Variants in PCDH11X observed in about 807,000 individuals in gnomAD.
The protein encoded by PCDH11X is protocadherin-11 X-linked.
Under a neutral mutation model 53.3 loss-of-function variants are expected in PCDH11X, and 18 were observed. The observed-to-expected ratio is 0.34, with a 90% CI of 0.23 to 0.50. The LOEUF (loss-of-function observed/expected upper bound fraction) is 0.50, where lower values mean the gene tolerates loss of function less well. PCDH11X is among the 20% of genes least tolerant of loss of function. The pLI is 0.98. For synonymous variants in PCDH11X, 279 were observed against 393.3 expected (o/e 0.71, Z 3.44); for missense variants, 570 against 1,032.4 (o/e 0.55, Z 6.14).
chrX:91,835,327 T>G lies in PCDH11X; in HGVS notation c.-44-134T>G, dbSNP rs1008798880. ...GATTCAGAACAAATTTATCACTAAT[T>G]AACAGAGTGTCAATTATGCTAACAT... On this transcript the variant is annotated intron_variant, in intron 4 of 10. Coordinates refer to ENST00000682573, the MANE Select transcript of PCDH11X (RefSeq NM_032968.5). 26 of 1,185,587 alleles carry G rather than the reference T, an allele frequency of 2.2e-5. No individual in the cohort carries two copies. The Middle Eastern group carries it at 9.3e-4, about 43-fold the overall frequency.
At chrX:92,324,492 G>A (rs2069284650) in intron 8 of PCDH11X, among the ~76,000 whole-genome samples, 1 of 111,402 alleles carries the variant, frequency 9.0e-6, no homozygotes, top group African/African-American at 3.3e-5. Context: ...AGATAACTTG[G>A]TGACATCCTT....
intron 6 of PCDH11X, among the ~76,000 whole-genome samples, chrX:91,945,005 C>G (rs1231813232): frequency 1.1e-5 from 1 of 87,963 alleles, no homozygotes; most frequent in Non-Finnish European, 2.2e-5. Flanking sequence ...AGAATTGCAG[C>G]TGTCTCCCTT....
intron 9 of PCDH11X, among the ~76,000 whole-genome samples, chrX:92,461,526 C>G (rs1348526472): frequency 5.4e-5 from 6 of 112,044 alleles, no homozygotes; most frequent in Non-Finnish European, 1.1e-4. Context: ...TTAAACTTGA[C>G]CCGTATCTCT....
chrX:92,277,643 G>A, intron 8 of PCDH11X, among the ~76,000 whole-genome samples: 1 of 108,971 alleles, frequency 9.2e-6, no homozygotes, highest in Non-Finnish European at 1.9e-5. Flanking sequence ...ATGGAAATAA[G>A]GGATGGGGCA....
At chrX:92,101,080 A>G (rs2064239136) in intron 6 of PCDH11X, among the ~76,000 whole-genome samples, 1 of 111,928 alleles carries the variant, frequency 8.9e-6, no homozygotes, top group Non-Finnish European at 1.9e-5. Context: ...AGCAAAGATT[A>G]TTTATTTACT....
chrX:91,832,117 A>G (rs1937128233), intron 4 of PCDH11X, among the ~76,000 whole-genome samples: 1 of 105,337 alleles, frequency 9.5e-6, no homozygotes, highest in African/African-American at 3.5e-5. Flanking sequence ...TAGAAATACC[A>G]TTTGACCCAG....
Position 92,330,169 on chromosome X carries a change from CAAAG to C in PCDH11X, c.3145-57560_3145-57557del, listed in dbSNP as rs747071403. On this transcript the variant is annotated intron_variant, in intron 8 of 10. Transcript: ENST00000682573. ...AAACTTAGAATGAAAAGACAAACCA[CAAAG>C]AAAGAGAAATATTTGAAAATCTCAT... Among the ~76,000 whole-genome samples the C allele has an allele frequency of 6.8e-3, 748 of 109,576 alleles. 7 individuals are homozygous for C. Among genetic ancestry groups the C allele is most frequent in the African/African-American group, 0.024 (715 of 30,288 alleles).
At chrX:92,381,120 A>G (rs2070866327) in intron 8 of PCDH11X, among the ~76,000 whole-genome samples, 1 of 100,281 alleles carries the variant, frequency 1.0e-5, no homozygotes, top group Non-Finnish European at 2.0e-5. Context: ...CCACAACTAT[A>G]TTTACCACAA....
chrX:92,602,486 T>A (rs1347476114), intron 10 of PCDH11X, among the ~76,000 whole-genome samples: 1 of 111,603 alleles, frequency 9.0e-6, no homozygotes, highest in Non-Finnish European at 1.9e-5. Context: ...AATTTATGCC[T>A]TAGGACATTG....
chrX:92,128,484 G>A (rs1197120017), intron 6 of PCDH11X, among the ~76,000 whole-genome samples: 2 of 105,831 alleles, frequency 1.9e-5, no homozygotes, highest in Non-Finnish European at 3.9e-5. Context: ...TGCAACCTCT[G>A]CCTCCCGGGT....
intron 10 of PCDH11X, among the ~76,000 whole-genome samples, chrX:92,533,370 A>T (rs2074595952): frequency 9.2e-6 from 1 of 108,835 alleles, no homozygotes; most frequent in South Asian, 4.2e-4. Context: ...CTATCAAGAA[A>T]GCTGAGGATG....
intron 9 of PCDH11X, among the ~76,000 whole-genome samples, chrX:92,435,362 A>T (rs1458097501): frequency 1.8e-5 from 2 of 110,954 alleles, no homozygotes; most frequent in Non-Finnish European, 3.8e-5. Context: ...TTGAAAACAT[A>T]TTTCAGGCTA....
intron 6 of PCDH11X, among the ~76,000 whole-genome samples, chrX:92,169,011 T>C (rs1185278456): frequency 9.0e-6 from 1 of 111,718 alleles, no homozygotes; most frequent in East Asian, 2.8e-4. Context: ...GTTTTACTAA[T>C]GAAAATCCAG....
chrX:92,329,893 T>C (rs1367393871), intron 8 of PCDH11X, among the ~76,000 whole-genome samples: 1 of 111,156 alleles, frequency 9.0e-6, no homozygotes, highest in African/African-American at 3.3e-5. Context: ...ATAAATAAAA[T>C]GAATATCATC....
chrX:92,244,205 T>A (rs1183284799), intron 7 of PCDH11X, among the ~76,000 whole-genome samples: 1 of 109,834 alleles, frequency 9.1e-6, no homozygotes, highest in Non-Finnish European at 1.9e-5. Context: ...GATTTATACA[T>A]GTTTAAAGCC....
At chrX:91,800,059 A>C (rs981200277) in intron 1 of PCDH11X, among the ~76,000 whole-genome samples, 17 of 112,641 alleles carry the variant, frequency 1.5e-4, no homozygotes, top group African/African-American at 5.5e-4. Context: ...ACTGCATTCC[A>C]GCCTGGGCGC....
At chrX:92,453,086 C>T in intron 9 of PCDH11X, among the ~76,000 whole-genome samples, 1 of 105,474 alleles carries the variant, frequency 9.5e-6, no homozygotes, top group East Asian at 2.9e-4. Flanking sequence ...CTCCACTTCT[C>T]TTAAATCTGT....
At chrX:92,365,444 G>C (rs1443345880) in intron 8 of PCDH11X, among the ~76,000 whole-genome samples, 4 of 110,231 alleles carry the variant, frequency 3.6e-5, no homozygotes, top group African/African-American at 1.3e-4. Context: ...GTCACACCAT[G>C]TTGCCTTGGC....
intron 8 of PCDH11X, among the ~76,000 whole-genome samples, chrX:92,354,165 T>G (rs1194739132): frequency 9.6e-6 from 1 of 104,218 alleles, no homozygotes; most frequent in Non-Finnish European, 1.9e-5. Flanking sequence ...AAAGAAGACA[T>G]GTGAAGTGTT....
Sources: allele counts gnomAD v4.1 joint callset (sites outside exome capture counted in the v4.1 genomes callset), GRCh38; gene constraint gnomAD v4.1.1; transcripts MANE v1.5; gene names NCBI Gene and HGNC (gene_info 2026-07-23, HGNC 2026-07-21).